Variants in FMN1 observed in about 807,000 individuals in gnomAD.
FMN1 encodes the protein formin 1, also known as formin-1.
A neutral mutation model predicts 132.4 loss-of-function variants in FMN1; 110 were observed. The ratio of observed to expected loss-of-function variants is 0.83; its 90% confidence interval spans 0.71 to 0.97. FMN1 has a LOEUF of 0.97. Among genes scored for constraint, FMN1 ranks in the 50% least tolerant of loss-of-function variants. FMN1 has a pLI of 0.00. For synonymous variants in FMN1, 722 were observed against 651.7 expected, an observed-to-expected ratio of 1.11 and a Z score of -1.64; for missense variants, 1,792 against 1,705.3, an observed-to-expected ratio of 1.05 and a Z score of -0.90.
intron 10 of FMN1, among the ~76,000 whole-genome samples, chr15:32,925,774 C>T (rs2060944418): frequency 6.6e-6 from 1 of 151,980 alleles, no homozygotes; most frequent in Non-Finnish European, 1.5e-5. Context: ...GGAAAAGTAC[C>T]CCTGGGCCGG....
intron 4 of FMN1, among the ~76,000 whole-genome samples, chr15:33,098,178 A>T (rs2039158247): frequency 6.6e-6 from 1 of 152,224 alleles, no homozygotes; most frequent in Non-Finnish European, 1.5e-5. Context: ...TCACAAAGGA[A>T]ATTAGAAAAT....
chr15:33,129,095 G>C (rs1051919099), intron 4 of FMN1, among the ~76,000 whole-genome samples: 1 of 152,136 alleles, frequency 6.6e-6, no homozygotes, highest in Non-Finnish European at 1.5e-5. Flanking sequence ...AGGCAGAAAA[G>C]TTCTCCAAGT....
chr15:32,795,481 A>G (rs1303472906), intron 19 of FMN1, among the ~76,000 whole-genome samples: 2 of 152,012 alleles, frequency 1.3e-5, no homozygotes, highest in Non-Finnish European at 2.9e-5. Context: ...AAGAGCTCAT[A>G]GTCACCATTT....
chr15:33,156,476 A>G (rs1964678501), intron 3 of FMN1, among the ~76,000 whole-genome samples: 1 of 151,140 alleles, frequency 6.6e-6, no homozygotes, highest in Non-Finnish European at 1.5e-5. Context: ...TTTTTGTAGA[A>G]ACAGCCTTTT....
chr15:33,053,278 C>T (rs1208678849), intron 6 of FMN1, among the ~76,000 whole-genome samples: 1 of 152,232 alleles, frequency 6.6e-6, no homozygotes, highest in Non-Finnish European at 1.5e-5. Context: ...ACTAACATTC[C>T]CTCTGGGGCT....
chr15:32,995,764 C>A (rs1200329348), intron 7 of FMN1, among the ~76,000 whole-genome samples: 1 of 152,174 alleles, frequency 6.6e-6, no homozygotes, highest in Non-Finnish European at 1.5e-5. Flanking sequence ...ACAATTTTAA[C>A]ACGCAATTAT....
intron 13 of FMN1, among the ~76,000 whole-genome samples, chr15:32,900,693 G>T (rs1321907709): frequency 6.6e-6 from 1 of 152,122 alleles, no homozygotes; most frequent in Non-Finnish European, 1.5e-5. Context: ...AGTGCTTGTT[G>T]TATTGTCTAT....
At chr15:32,941,304 C>T (rs1002903257) in intron 9 of FMN1, among the ~76,000 whole-genome samples, 1 of 152,148 alleles carries the variant, frequency 6.6e-6, no homozygotes, top group African/African-American at 2.4e-5. Flanking sequence ...TCCAATGTTA[C>T]TCTGGTTGAA....
At chr15:32,929,800 G>A (rs2061059951) in intron 9 of FMN1, among the ~76,000 whole-genome samples, 2 of 147,876 alleles carry the variant, frequency 1.4e-5, no homozygotes, top group South Asian at 4.3e-4. Context: ...ATATTCCACT[G>A]TATGTACACA....
chr15:32,786,372 T>C (rs995432974), intron 19 of FMN1, among the ~76,000 whole-genome samples: 14 of 152,172 alleles, frequency 9.2e-5, no homozygotes, highest in African/African-American at 3.4e-4. Context: ...GTAAAATAAA[T>C]GACTCACCAG....
chr15:33,111,892 T>C (rs2039720009), intron 4 of FMN1, among the ~76,000 whole-genome samples: 2 of 152,138 alleles, frequency 1.3e-5, no homozygotes, highest in Admixed American at 1.3e-4. Flanking sequence ...ACTGAATATA[T>C]TAGAAACCAC....
intron 4 of FMN1, among the ~76,000 whole-genome samples, chr15:33,091,296 C>A (rs960346873): frequency 6.6e-6 from 1 of 152,116 alleles, no homozygotes; most frequent in Non-Finnish European, 1.5e-5. Flanking sequence ...CATATTTATG[C>A]AAACACACAT....
intron 17 of FMN1, among the ~76,000 whole-genome samples, chr15:32,807,929 T>C (rs2057739198): frequency 6.6e-6 from 1 of 152,196 alleles, no homozygotes; most frequent in African/African-American, 2.4e-5. Context: ...TTCTCCTACT[T>C]GAATGTGTAA....
intron 6 of FMN1, among the ~76,000 whole-genome samples, chr15:33,060,239 T>C (rs1185698224): frequency 6.6e-6 from 1 of 152,186 alleles, no homozygotes; most frequent in Non-Finnish European, 1.5e-5. Flanking sequence ...TCTGGACACA[T>C]AACTTTAAAG....
rs1248324798 is a variant in FMN1 at position 32,766,769 on chromosome 15, G to A, written c.*7541C>T. On this transcript the variant is annotated 3_prime_UTR_variant, in exon 21 of 21. Transcript: ENST00000616417. The stretch of plus-strand genomic sequence containing the variant: ...GAGGAGGGGCCAAGGGAGCTACTCA[G>A]TTGTCTATGATGCAGAGGTGTGAAA... 6.6e-6 allele frequency: 1 copy of A among 152,268 alleles called. No individual in the cohort carries two copies. The highest frequency in any genetic ancestry group is 1.9e-4 in the East Asian group (1 of 5,178). The allele number at this position is 152,268 out of a possible 1,614,324, so 9.4% of individuals were successfully genotyped here. A position where few individuals can be genotyped will look rare whatever the true frequency, so the allele number is the denominator to read the frequency against.
chr15:33,042,706 T>A (rs761808636), intron 6 of FMN1, among the ~76,000 whole-genome samples: 2 of 151,890 alleles, frequency 1.3e-5, no homozygotes, highest in African/African-American at 4.8e-5. Flanking sequence ...AAACTGATAA[T>A]AACAGCTTAC....
At position 33,154,008 on chromosome 15, in the gene FMN1, C is replaced by G. The variant is rs768184878; in HGVS notation, c.907G>C (p.Glu303Gln). Reference protein sequence around the residue: ...TGLSESHQDPEKHPEAEKDEM... With the variant: ...TGLSESHQDPQKHPEAEKDEM... ...TCCTTTTCTGCCTCTGGATGCTTCT[C>G]AGGGTCCTGGTGACTTTCAGACAAA... Residue 303 changes from glutamate (E) to glutamine (Q), a missense_variant, in exon 4 of 21, where the codon GAG becomes CAG. Glu to Gln is a conservative substitution (Grantham distance 29). Coordinates refer to ENST00000616417, the MANE Select transcript of FMN1 (RefSeq NM_001277313.2). The G allele has an allele frequency of 3.6e-5, 56 of 1,536,490 alleles. No individual in the cohort carries two copies. Among genetic ancestry groups the G allele is most frequent in the Admixed American group, 1.4e-4 (7 of 50,980 alleles).
intron 2 of FMN1, among the ~76,000 whole-genome samples, chr15:33,182,789 G>GA (rs1416752880): frequency 2.6e-5 from 4 of 152,118 alleles, no homozygotes; most frequent in Non-Finnish European, 5.9e-5. Flanking sequence ...AATCCAGGAG[G>GA]AAAAAAATTT....
chr15:32,944,878 G>T (rs2061476181), intron 9 of FMN1, among the ~76,000 whole-genome samples: 1 of 152,058 alleles, frequency 6.6e-6, no homozygotes, highest in African/African-American at 2.4e-5. Flanking sequence ...TTTTCCTATT[G>T]ATCATGGAGT....
Sources: gnomAD v4.1 joint callset for allele counts (sites outside exome capture counted in the v4.1 genomes callset) on GRCh38, gnomAD v4.1.1 for gene constraint, MANE v1.5 for transcripts, NCBI Gene and HGNC (gene_info 2026-07-23, HGNC 2026-07-21) for gene names.